GRIK1: variants seen among roughly 807,000 people sequenced by gnomAD.
The protein encoded by GRIK1 is glutamate ionotropic receptor kainate type subunit 1.
GRIK1 carries 69 observed loss-of-function variants against 105.7 expected under a neutral mutation model. The ratio of observed to expected loss-of-function variants is 0.65; its 90% confidence interval spans 0.54 to 0.80. GRIK1 has a LOEUF of 0.80. Among genes scored for constraint, GRIK1 ranks in the 30% least tolerant of loss-of-function variants. The pLI is 0.00. For missense variants in GRIK1, 1,109 were observed against 1,167.3 expected (o/e 0.95, Z 0.73); for synonymous variants, 438 against 431.3 (o/e 1.02, Z -0.19).
At chr21:29,770,980 T>C (rs1394009194) in intron 1 of GRIK1, among the ~76,000 whole-genome samples, 1 of 152,194 alleles carries the variant, frequency 6.6e-6, no homozygotes, top group Non-Finnish European at 1.5e-5. Flanking sequence ...ACACCAAAGG[T>C]AAAAATAATG....
At chr21:29,666,870 T>G (rs1267654846) in intron 4 of GRIK1, among the ~76,000 whole-genome samples, 1 of 152,246 alleles carries the variant, frequency 6.6e-6, no homozygotes, top group African/African-American at 2.4e-5. Context: ...TTACATTTTT[T>G]TTCCTTTCAA....
At chr21:29,789,891 G>A (rs917845437) in intron 1 of GRIK1, among the ~76,000 whole-genome samples, 1 of 152,196 alleles carries the variant, frequency 6.6e-6, no homozygotes, top group African/African-American at 2.4e-5. Context: ...TTTGTAAAAT[G>A]CCTATAAAGT....
At chr21:29,871,447 C>T (rs468536) in intron 1 of GRIK1, among the ~76,000 whole-genome samples, 83,735 of 152,034 alleles carry the variant, frequency 0.55, 27,809 homozygotes, top group Non-Finnish European at 0.74. Flanking sequence ...GTTTAAGTAG[C>T]TATTTATGTA....
At chr21:29,636,406 T>C (rs1472993522) in intron 7 of GRIK1, among the ~76,000 whole-genome samples, 1 of 152,202 alleles carries the variant, frequency 6.6e-6, no homozygotes, top group Non-Finnish European at 1.5e-5. Flanking sequence ...AAAAATAGAA[T>C]TGGCTTTGCT....
intron 1 of GRIK1, among the ~76,000 whole-genome samples, chr21:29,920,750 T>C (rs2071164600): frequency 6.6e-6 from 1 of 152,018 alleles, no homozygotes; most frequent in African/African-American, 2.4e-5. Flanking sequence ...GCATACATGA[T>C]TTTGTAACTT....
At position 29,791,509 on chromosome 21, in the gene GRIK1, T is replaced by TG. The variant is rs554227421; in HGVS notation, c.119-97447dup. Among the ~76,000 whole-genome samples, 151 of 149,942 alleles carry TG rather than the reference T, an allele frequency of 1.0e-3. 4 individuals carry two copies. The highest frequency in any genetic ancestry group is 3.4e-3 in the Middle Eastern group (1 of 290). The stretch of plus-strand genomic sequence containing the variant: ...CAAAGAAGAAGAAGGAGAAGGGAAG[T>TG]GGGGGGGGAATTTAAATAGTATAGT... On this transcript the variant is annotated intron_variant, in intron 1 of 17. Transcript: ENST00000327783.
chr21:29,609,101 A>C (rs2061677034), intron 7 of GRIK1, among the ~76,000 whole-genome samples: 1 of 147,974 alleles, frequency 6.8e-6, no homozygotes, highest in Non-Finnish European at 1.5e-5. Context: ...GATATTATTA[A>C]ATAATAATAA....
At chr21:29,590,041 T>A (rs954736660) in intron 10 of GRIK1, among the ~76,000 whole-genome samples, 1 of 152,220 alleles carries the variant, frequency 6.6e-6, no homozygotes. Flanking sequence ...ACTTCCCTAC[T>A]ACCATGCATC....
At chr21:29,711,352 G>A (rs1157884013) in intron 1 of GRIK1, among the ~76,000 whole-genome samples, 2 of 152,122 alleles carry the variant, frequency 1.3e-5, no homozygotes, top group African/African-American at 4.8e-5. Context: ...TTGCAGCCTA[G>A]GAGCAGTAGG....
At chr21:29,853,472 T>A (rs763138643) in intron 1 of GRIK1, among the ~76,000 whole-genome samples, 11 of 152,242 alleles carry the variant, frequency 7.2e-5, no homozygotes, top group Admixed American at 1.3e-4. Flanking sequence ...CAAGTATCTC[T>A]TAGTACTCAG....
In GRIK1 at chr21:29,673,058, C is replaced by T. The variant is rs140379363; in HGVS notation, c.651G>A (p.Lys217=). ...SGNKDAKPLL[K]EMKKGKEFYV... is the part of the protein sequence containing the mutation. ...AGAACTCCTTGCCTTTCTTCATCTC[C>T]TTGAGTAAAGGCTTGGCATCTTTAT... The change falls in exon 4 of 18, where the codon AAG becomes AAA. Residue 217 remains lysine (K), a synonymous_variant. Coordinates refer to ENST00000327783, the MANE Select transcript of GRIK1 (RefSeq NM_001330994.2). The T allele has an allele frequency of 5.0e-6, 8 of 1,611,800 alleles. No homozygotes were observed. Among genetic ancestry groups the T allele is most frequent in the African/African-American group, 4.0e-5 (3 of 74,842 alleles).
intron 14 of GRIK1, among the ~76,000 whole-genome samples, chr21:29,573,773 C>A (rs929919531): frequency 1.3e-5 from 2 of 151,008 alleles, no homozygotes; most frequent in Admixed American, 6.6e-5. Context: ...CGCTTGAACC[C>A]GGGAGGAGGA....
intron 3 of GRIK1, among the ~76,000 whole-genome samples, chr21:29,675,430 T>C (rs943434969): frequency 2.0e-5 from 3 of 152,102 alleles, no homozygotes; most frequent in African/African-American, 7.2e-5. Flanking sequence ...CTAAATAACA[T>C]TGGGAAAACA....
chr21:29,739,196 G>C (rs781215998), intron 1 of GRIK1, among the ~76,000 whole-genome samples: 1 of 152,180 alleles, frequency 6.6e-6, no homozygotes, highest in Non-Finnish European at 1.5e-5. Flanking sequence ...AAGAGTGATG[G>C]AGACAGACTC....
At chr21:29,705,444 T>C (rs1332528103) in intron 1 of GRIK1, among the ~76,000 whole-genome samples, 1 of 152,216 alleles carries the variant, frequency 6.6e-6, no homozygotes, top group African/African-American at 2.4e-5. Context: ...CCAAATTCAT[T>C]TGATGATAGG....
At chr21:29,594,023 T>G (rs1035301173) in intron 9 of GRIK1, among the ~76,000 whole-genome samples, 3 of 152,224 alleles carry the variant, frequency 2.0e-5, no homozygotes, top group African/African-American at 7.2e-5. Context: ...TTTCCCCTAT[T>G]GTCTCTACAG....
rs535413269 is a variant in GRIK1 at position 29,819,738 on chromosome 21, A to T, written c.118+119645T>A. Among the ~76,000 whole-genome samples the T allele has an allele frequency of 2.0e-5, 3 of 152,036 alleles. No individual in the cohort carries two copies. In the East Asian group the frequency reaches 5.8e-4, roughly 29 times the overall value. ...CAGAGGTTCGAAAGGAGCAGTCAAGACTATTTGAAATAAAAGCTACGAGAA... is the reference window on the plus strand; with the variant it reads ...CAGAGGTTCGAAAGGAGCAGTCAAGTCTATTTGAAATAAAAGCTACGAGAA... On this transcript the variant is annotated intron_variant, in intron 1 of 17. Coordinates refer to ENST00000327783, the MANE Select transcript of GRIK1 (RefSeq NM_001330994.2).
intron 1 of GRIK1, among the ~76,000 whole-genome samples, chr21:29,783,552 C>A (rs556091243): frequency 4.6e-5 from 7 of 152,070 alleles, no homozygotes; most frequent in African/African-American, 1.7e-4. Flanking sequence ...TATTATAGTC[C>A]TTATATGGTT....
chr21:29,880,994 A>G (rs777131259), intron 1 of GRIK1, among the ~76,000 whole-genome samples: 32 of 152,164 alleles, frequency 2.1e-4, no homozygotes, highest in Non-Finnish European at 3.5e-4. Context: ...AACAACACCA[A>G]TGTAATTTGT....
Sources: allele counts gnomAD v4.1 joint callset (sites outside exome capture counted in the v4.1 genomes callset), GRCh38; gene constraint gnomAD v4.1.1; transcripts MANE v1.5; gene names NCBI Gene and HGNC (gene_info 2026-07-23, HGNC 2026-07-21).